The following FZD3 variants were observed in gnomAD, a reference collection of about 807,000 sequenced individuals.
FZD3 encodes frizzled-3.
A neutral mutation model predicts 60.7 loss-of-function variants in FZD3; 30 were observed. That is an observed-to-expected ratio of 0.49 (90% CI 0.37 to 0.67). The LOEUF (loss-of-function observed/expected upper bound fraction) is 0.67. Ranked by LOEUF, FZD3 falls within the 30% of genes least tolerant of loss-of-function variation. The probability of loss-of-function intolerance (pLI) is 0.00; values close to 1 mark genes in which losing one functional copy is unlikely to be tolerated. For synonymous variants in FZD3, 246 were observed against 275.2 expected (o/e 0.89, Z 1.05); for missense variants, 605 against 838.7 (o/e 0.72, Z 3.44).
rs1371044226 is a variant in FZD3 at position 28,527,757 on chromosome 8, G to A, written c.997G>A (p.Ala333Thr). 5.6e-6 allele frequency: 9 copies of A among 1,614,008 alleles called. No individual in the cohort carries two copies. The highest frequency in any genetic ancestry group is 2.2e-5 in the East Asian group (1 of 44,900). Residue 333 changes from alanine (A) to threonine (T), a missense_variant, in exon 5 of 8, where the codon GCC (alanine) becomes ACC (threonine). Physicochemically the swap from Ala to Thr is moderately conservative, Grantham distance 58. Transcript: ENST00000240093. This position sits in a 1 kb window ranked among gnomAD's most constrained non-coding sequence, Gnocchi z 5.0. Reference sequence around the variant, plus strand: ...TGAGAAGAAAGCATTGCTGTTTCACGCCAGTGCATGGGGCATCCCCGGAAC... The same window carrying A: ...TGAGAAGAAAGCATTGCTGTTTCACACCAGTGCATGGGGCATCCCCGGAAC... ...AIEKKALLFH[A>T]SAWGIPGTLT...
intron 4 of FZD3, among the ~76,000 whole-genome samples, chr8:28,524,745 G>A (rs1804671694): frequency 1.8e-5 from 2 of 109,012 alleles, no homozygotes; most frequent in South Asian, 7.0e-4. Flanking sequence ...CTAAACCTAA[G>A]TCTGTAGCCT....
At chr8:28,550,635 G>C (rs978366756) in intron 5 of FZD3, among the ~76,000 whole-genome samples, 1 of 151,746 alleles carries the variant, frequency 6.6e-6, no homozygotes, top group African/African-American at 2.4e-5. Flanking sequence ...GGGACTACAG[G>C]TGCCTGCCAC....
At position 28,566,874 on chromosome 8, in the gene FZD3, A is replaced by G. The variant is rs1296493510; in HGVS notation, c.*3863A>G. On this transcript the variant is annotated 3_prime_UTR_variant, in exon 8 of 8. Coordinates refer to ENST00000240093, the MANE Select transcript of FZD3 (RefSeq NM_017412.4). Reference sequence around the variant, plus strand: ...CTCTGAGTCTTTGTTTCTTCAATGTAAAATGTGGATAAGGTAATTTTTGGT... The same window carrying G: ...CTCTGAGTCTTTGTTTCTTCAATGTGAAATGTGGATAAGGTAATTTTTGGT... The G allele has an allele frequency of 6.6e-6, 1 of 152,162 alleles. No individual in the cohort carries two copies. Among genetic ancestry groups the G allele is most frequent in the Non-Finnish European group, 1.5e-5 (1 of 68,020 alleles). The allele number at this position is 152,162 out of a possible 1,614,324, so 9.4% of individuals were successfully genotyped here.
rs1258947713 is a variant in FZD3, at chr8:28,504,305, G to A, written c.189+1103G>A. On this transcript the variant is annotated intron_variant, in intron 3 of 7. Transcript: ENST00000240093. ...AGTACACGAGGTCTAAGTGGTTGAAGAGAGAGAATTGGTATAGGCTATCAG... is the reference window on the plus strand; with the variant it reads ...AGTACACGAGGTCTAAGTGGTTGAAAAGAGAGAATTGGTATAGGCTATCAG... Among the ~76,000 whole-genome samples the A allele has an allele frequency of 3.9e-5, 6 of 152,304 alleles. No homozygotes were observed. In the South Asian group the frequency reaches 8.3e-4, roughly 21 times the overall value.
At chr8:28,531,317 A>G (rs541128511) in intron 5 of FZD3, among the ~76,000 whole-genome samples, 12 of 152,292 alleles carry the variant, frequency 7.9e-5, no homozygotes, top group Non-Finnish European at 1.3e-4. Flanking sequence ...TTTTGAGAAT[A>G]TATATGTTGA....
intron 5 of FZD3, among the ~76,000 whole-genome samples, chr8:28,532,623 T>A (rs1804909243): frequency 6.6e-6 from 1 of 151,830 alleles, no homozygotes; most frequent in Non-Finnish European, 1.5e-5. Flanking sequence ...AGATGGGGTC[T>A]CCCTGTGTTG....
At chr8:28,500,216 A>G (rs1803952448) in intron 2 of FZD3, among the ~76,000 whole-genome samples, 1 of 152,218 alleles carries the variant, frequency 6.6e-6, no homozygotes, top group Non-Finnish European at 1.5e-5. Flanking sequence ...ACAGCTTAAC[A>G]GTAGATTTTA....
At position 28,563,950 on chromosome 8, in the gene FZD3, A is replaced by G. The variant is rs540649885; in HGVS notation, c.*939A>G. ...TTGTATTTTTCTACAGTGAGATGTGATCTTGCCAAAGCCACCAGACCTTGG... is the reference window on the plus strand; with the variant it reads ...TTGTATTTTTCTACAGTGAGATGTGGTCTTGCCAAAGCCACCAGACCTTGG... On this transcript the variant is annotated 3_prime_UTR_variant, in exon 8 of 8. Coordinates refer to ENST00000240093, the MANE Select transcript of FZD3 (RefSeq NM_017412.4). 1 of 152,740 alleles carries G rather than the reference A, an allele frequency of 6.5e-6. No homozygotes were observed. Among genetic ancestry groups the G allele is most frequent in the Admixed American group, 6.5e-5 (1 of 15,302 alleles). The allele number at this position is 152,740 out of a possible 1,614,324, so 9.5% of individuals were successfully genotyped here. A position where few individuals can be genotyped will look rare whatever the true frequency, so the allele number is the denominator to read the frequency against.
At chr8:28,551,546 C>T in intron 5 of FZD3, 57 bp from the exon 6 acceptor site, 1 of 1,238,884 alleles carries the variant, frequency 8.1e-7, no homozygotes, top group Non-Finnish European at 1.2e-6. Flanking sequence ...TTCATAATGG[C>T]CTTTAATAGA....
intron 3 of FZD3, among the ~76,000 whole-genome samples, chr8:28,510,911 C>G (rs916636154): frequency 6.6e-6 from 1 of 151,156 alleles, no homozygotes. Flanking sequence ...GTGGTGGGCA[C>G]ATGTAATCCC....
At chr8:28,494,389 G>A (rs1240287421) in intron 1 of FZD3, 46 bp downstream of exon 1, 1 of 152,386 alleles carries the variant, frequency 6.6e-6, no homozygotes, top group Non-Finnish European at 1.5e-5. Context: ...GGCAGCGGGA[G>A]AAGGAGCGGC....
At chr8:28,501,938 C>T (rs967354330) in intron 2 of FZD3, among the ~76,000 whole-genome samples, 1 of 152,038 alleles carries the variant, frequency 6.6e-6, no homozygotes, top group Admixed American at 6.6e-5. Context: ...ATTTTAGAAC[C>T]TTCTATATGT....
At chr8:28,531,215 G>C (rs200711144) in intron 5 of FZD3, among the ~76,000 whole-genome samples, 1 of 34,318 alleles carries the variant, frequency 2.9e-5, no homozygotes. Flanking sequence ...CTGTCGCTGA[G>C]TGTTTATCCA....
rs1182589010 is a variant in FZD3, at chr8:28,528,099, G to C, written c.1339G>C (p.Gly447Arg). 1 of 1,613,806 alleles carries C rather than the reference G, an allele frequency of 6.2e-7. No individual in the cohort carries two copies. Among genetic ancestry groups the C allele is most frequent in the Non-Finnish European group, 8.5e-7 (1 of 1,179,842 alleles). Residue 447 changes from glycine to arginine, a missense_variant, in exon 5 of 8, where the codon GGC becomes CGC. By Grantham distance (125) the Gly-to-Arg change is moderately radical (BLOSUM62 -2). Transcript: ENST00000240093. ...GCYFYEQAYRGIWETTWIQER... is the reference protein window; with the variant it reads ...GCYFYEQAYRRIWETTWIQER... ...CTACTTTTATGAGCAAGCTTACCGG[G>C]GCATCTGGGAAACAACGTGGATACA...
At chr8:28,555,109 G>A (rs1481674558) in intron 6 of FZD3, among the ~76,000 whole-genome samples, 2 of 151,926 alleles carry the variant, frequency 1.3e-5, no homozygotes, top group Non-Finnish European at 2.9e-5. Flanking sequence ...CTTCTAATAT[G>A]TCTGAGACTT....
intron 5 of FZD3, among the ~76,000 whole-genome samples, chr8:28,545,151 C>T (rs1408771675): frequency 6.6e-6 from 1 of 152,200 alleles, no homozygotes; most frequent in Non-Finnish European, 1.5e-5. Context: ...ACATTCCAAC[C>T]ATATGTAGCA....
intron 5 of FZD3, among the ~76,000 whole-genome samples, chr8:28,544,832 G>T (rs1416838931): frequency 6.6e-6 from 1 of 152,180 alleles, no homozygotes; most frequent in Non-Finnish European, 1.5e-5. Flanking sequence ...TTAAAGAAAA[G>T]GAATTTATTT....
chr8:28,496,220 C>T (rs1399748815), intron 1 of FZD3, among the ~76,000 whole-genome samples: 3 of 152,168 alleles, frequency 2.0e-5, no homozygotes, highest in African/African-American at 7.2e-5. Flanking sequence ...GTTTTTCGCT[C>T]ACAATAAGTT....
chr8:28,568,741 C>T lies in FZD3; in HGVS notation c.*5730C>T, dbSNP rs750194880. On this transcript the variant is annotated 3_prime_UTR_variant, in exon 8 of 8. Coordinates refer to ENST00000240093, the MANE Select transcript of FZD3 (RefSeq NM_017412.4). ...ACTTATATTTTAGTCAAACACCAAACCACTGCATTACTTACTTCCTATAAG... is the reference window on the plus strand; with the variant it reads ...ACTTATATTTTAGTCAAACACCAAATCACTGCATTACTTACTTCCTATAAG... 32 of 152,084 alleles carry T rather than the reference C, an allele frequency of 2.1e-4. No individual in the cohort carries two copies. The highest frequency in any genetic ancestry group is 3.7e-4 in the Non-Finnish European group (25 of 67,958). 9.4% of individuals were successfully genotyped at this position (152,084 alleles called of 1,614,324 possible).
Sources: allele counts gnomAD v4.1 joint callset (sites outside exome capture counted in the v4.1 genomes callset), GRCh38; gene constraint gnomAD v4.1.1; non-coding constraint Gnocchi (gnomAD v3.1); transcripts MANE v1.5; gene names NCBI Gene and HGNC (gene_info 2026-07-23, HGNC 2026-07-21).